The following KCNH7 variants were observed in gnomAD, a reference collection of about 807,000 sequenced individuals.
KCNH7 encodes the protein voltage-gated inwardly rectifying potassium channel KCNH7.
KCNH7 carries 49 observed loss-of-function variants against 120.8 expected under a neutral mutation model. The observed-to-expected ratio is 0.41, with a 90% confidence interval of 0.32 to 0.51. The LOEUF (loss-of-function observed/expected upper bound fraction) is 0.51, where lower values mean the gene tolerates loss of function less well. Among genes scored for constraint, KCNH7 ranks in the 20% least tolerant of loss-of-function variants. The pLI is 0.38. For synonymous variants in KCNH7, 547 were observed against 516.1 expected (o/e 1.06, Z -0.81); for missense variants, 1,097 against 1,446.6 (o/e 0.76, Z 3.92).
intron 6 of KCNH7, among the ~76,000 whole-genome samples, chr2:162,503,705 T>G (rs935451327): frequency 3.9e-5 from 6 of 152,082 alleles, no homozygotes; most frequent in Admixed American, 2.0e-4. Context: ...TGCAAAGATT[T>G]GCTAAGCAAA....
At chr2:162,456,658 A>C (rs1688973625) in intron 6 of KCNH7, among the ~76,000 whole-genome samples, 1 of 152,034 alleles carries the variant, frequency 6.6e-6, no homozygotes, top group African/African-American at 2.4e-5. Context: ...GTAGGTCTCT[A>C]AGAACTTGTT....
At chr2:162,741,893 T>C (rs965233904) in intron 2 of KCNH7, among the ~76,000 whole-genome samples, 1 of 152,202 alleles carries the variant, frequency 6.6e-6, no homozygotes, top group Non-Finnish European at 1.5e-5. Context: ...TTTATTTTCT[T>C]TAAAGCAGTC....
chr2:162,819,730 T>TG (rs1202019691), intron 2 of KCNH7, among the ~76,000 whole-genome samples: 1 of 152,100 alleles, frequency 6.6e-6, no homozygotes, highest in African/African-American at 2.4e-5. Context: ...AATAAAGAGT[T>TG]GGGGGAAAAG....
chr2:162,377,901 A>G lies in KCNH7; in HGVS notation c.3131+1952T>C, dbSNP rs77376684. Among the ~76,000 whole-genome samples the G allele has an allele frequency of 3.1e-3, 478 of 152,300 alleles. 3 individuals are homozygous for G. The highest frequency in any genetic ancestry group is 0.011 in the African/African-American group (466 of 41,572). Reference sequence around the variant, plus strand: ...CTAATGTAATAAAATAACAACAACAATTTTTATTACTATTGGGTGATTGCA... The same window carrying G: ...CTAATGTAATAAAATAACAACAACAGTTTTTATTACTATTGGGTGATTGCA... On this transcript the variant is annotated intron_variant, in intron 14 of 15. Coordinates refer to ENST00000332142, the MANE Select transcript of KCNH7 (RefSeq NM_033272.4).
In KCNH7 at chr2:162,396,937, C is replaced by G. The variant is rs1332710038; in HGVS notation, c.2416G>C (p.Asp806His). Residue 806 changes from aspartate to histidine, a missense_variant, in exon 11 of 16, where the codon GAT becomes CAT. Coordinates refer to ENST00000332142, the MANE Select transcript of KCNH7 (RefSeq NM_033272.4). ...AGATGAACCATTTCTCCAAATATATCATTTTTTCCTAAGAAAATATAAAGA... is the reference window on the plus strand; with the variant it reads ...AGATGAACCATTTCTCCAAATATATGATTTTTTCCTAAGAAAATATAAAGA... ...DIVVAILGKN[D>H]IFGEMVHLYA... 3 of 1,602,066 alleles carry G rather than the reference C, an allele frequency of 1.9e-6. No homozygotes were observed.
intron 2 of KCNH7, among the ~76,000 whole-genome samples, chr2:162,550,826 C>G (rs1022342544): frequency 3.3e-5 from 5 of 151,084 alleles, no homozygotes; most frequent in African/African-American, 1.2e-4. Context: ...TGGCAAAATA[C>G]TATGATAATG....
At chr2:162,669,656 T>A (rs906379166) in intron 2 of KCNH7, among the ~76,000 whole-genome samples, 4 of 152,160 alleles carry the variant, frequency 2.6e-5, no homozygotes, top group African/African-American at 9.7e-5. Context: ...TCTAGAACAT[T>A]TCTGATCATA....
At chr2:162,648,812 C>T (rs563044664) in intron 2 of KCNH7, among the ~76,000 whole-genome samples, 1 of 152,036 alleles carries the variant, frequency 6.6e-6, no homozygotes, top group African/African-American at 2.4e-5. Context: ...AAGATCAGTT[C>T]AAATGCTACC....
At chr2:162,524,041 C>T (rs1181808978) in intron 3 of KCNH7, among the ~76,000 whole-genome samples, 3 of 152,004 alleles carry the variant, frequency 2.0e-5, no homozygotes, top group East Asian at 2.0e-4. Flanking sequence ...AAGCAGAGAT[C>T]TGTCCCCTCA....
Position 162,446,116 on chromosome 2 carries a change from C to T in KCNH7, c.1456G>A (p.Ala486Thr), listed in dbSNP as rs369243466. The T allele has an allele frequency of 4.3e-5, 69 of 1,613,658 alleles. No individual in the cohort carries two copies. Among genetic ancestry groups the T allele is most frequent in the African/African-American group, 2.3e-4 (17 of 74,912 alleles). ...NQNEEVVSDP[A>T]KIAIHYFKGW... ...TTGAAGTAGTGTATTGCTATTTTGG[C>T]GGGATCACTTACCACTTCTTCATTC... Residue 486 changes from alanine to threonine, a missense_variant, in exon 7 of 16, where the codon GCC (alanine) becomes ACC (threonine). Physicochemically the swap from Ala to Thr is moderately conservative, Grantham distance 58 (BLOSUM62 0). Transcript: ENST00000332142.
At chr2:162,498,849 G>C (rs1287380238) in intron 6 of KCNH7, among the ~76,000 whole-genome samples, 2 of 152,074 alleles carry the variant, frequency 1.3e-5, no homozygotes, top group African/African-American at 4.8e-5. Context: ...GCAAGGGAGA[G>C]AATGTCACTA....
At chr2:162,580,384 C>A (rs139880934) in intron 2 of KCNH7, among the ~76,000 whole-genome samples, 6 of 151,946 alleles carry the variant, frequency 3.9e-5, no homozygotes, top group Admixed American at 6.6e-5. Context: ...TAAATAAAAG[C>A]CAAAACATGG....
At chr2:162,763,674 T>C (rs1188759499) in intron 2 of KCNH7, among the ~76,000 whole-genome samples, 3 of 151,732 alleles carry the variant, frequency 2.0e-5, no homozygotes, top group Admixed American at 6.6e-5. Context: ...AGTAATGCTG[T>C]CTTAGTTGGG....
At chr2:162,559,601 C>T (rs549577942) in intron 2 of KCNH7, among the ~76,000 whole-genome samples, 7 of 152,122 alleles carry the variant, frequency 4.6e-5, no homozygotes, top group Non-Finnish European at 7.3e-5. Context: ...CTCCAAGTTC[C>T]CTAATTGGTT....
intron 2 of KCNH7, among the ~76,000 whole-genome samples, chr2:162,698,457 G>T (rs1686374625): frequency 1.4e-5 from 2 of 145,410 alleles, no homozygotes. Context: ...AACTTCCATT[G>T]CATGAGTTTT....
In KCNH7 at chr2:162,715,550, G is replaced by C. The variant is rs548450892; in HGVS notation, c.307+120987C>G. On this transcript the variant is annotated intron_variant, in intron 2 of 15. Transcript: ENST00000332142. ...CTATGCCCTTCACCAGGACTTTGTA[G>C]CTTCTTTGAACAAGATGTTGGAGTA... Among the ~76,000 whole-genome samples, 9 of 152,252 alleles carry C rather than the reference G, an allele frequency of 5.9e-5. No homozygotes were observed. In the South Asian group the frequency reaches 1.2e-3, roughly 21 times the overall value.
intron 2 of KCNH7, among the ~76,000 whole-genome samples, chr2:162,788,428 A>T (rs143864364): frequency 2.6e-5 from 4 of 152,272 alleles, no homozygotes; most frequent in African/African-American, 9.6e-5. Context: ...AACCATATAA[A>T]AGAACCAATC....
chr2:162,493,395 T>C (rs1394247456), intron 6 of KCNH7, among the ~76,000 whole-genome samples: 1 of 152,254 alleles, frequency 6.6e-6, no homozygotes, highest in Admixed American at 6.5e-5. Context: ...TTTTAGTTCA[T>C]GTGACTTTAA....
chr2:162,739,970 C>G (rs575858630), intron 2 of KCNH7, among the ~76,000 whole-genome samples: 1 of 152,148 alleles, frequency 6.6e-6, no homozygotes, highest in East Asian at 1.9e-4. Context: ...AGAAACTAAT[C>G]CAAATAAGAG....
Sources: gnomAD v4.1 joint callset for allele counts (sites outside exome capture counted in the v4.1 genomes callset) on GRCh38, gnomAD v4.1.1 for gene constraint, MANE v1.5 for transcripts, NCBI Gene and HGNC (gene_info 2026-07-23, HGNC 2026-07-21) for gene names.